PTPN23: variants seen among roughly 807,000 people sequenced by gnomAD.
The protein encoded by PTPN23 is tyrosine-protein phosphatase non-receptor type 23.
A neutral mutation model predicts 156.3 loss-of-function variants in PTPN23; 72 were observed. That is an observed-to-expected ratio of 0.46 (90% CI 0.38 to 0.56). PTPN23 has a LOEUF of 0.56. PTPN23 is among the 20% of genes least tolerant of loss of function. The pLI is 0.00. For synonymous variants in PTPN23, 957 were observed against 899.6 expected (o/e 1.06, Z -1.14); for missense variants, 1,974 against 2,171.5 (o/e 0.91, Z 1.81).
intron 1 of PTPN23, among the ~76,000 whole-genome samples, chr3:47,389,128 C>T (rs2107695111): frequency 6.6e-6 from 1 of 152,200 alleles, no homozygotes; most frequent in South Asian, 2.1e-4. Flanking sequence ...TTAGCTCCCA[C>T]AAAAAAGTGA....
chr3:47,413,238 C>A lies in PTPN23; in HGVS notation c.*53C>A, dbSNP rs1382985285. On this transcript the variant is annotated 3_prime_UTR_variant, in exon 25 of 25. Transcript: ENST00000265562. ...CTACATCATCATCATCTCATGCCCACCTGCCCACACCCAGCAGAGCTTCTC... is the reference window on the plus strand; with the variant it reads ...CTACATCATCATCATCTCATGCCCAACTGCCCACACCCAGCAGAGCTTCTC... 2 of 1,554,414 alleles carry A rather than the reference C, an allele frequency of 1.3e-6. No homozygotes were observed. The highest frequency in any genetic ancestry group is 8.7e-7 in the Non-Finnish European group (1 of 1,146,518).
Position 47,409,565 on chromosome 3 carries a change from A to G in PTPN23, c.1946A>G (p.Gln649Arg). 1.2e-6 allele frequency: 2 copies of G among 1,613,292 alleles called. No homozygotes were observed. Among genetic ancestry groups the G allele is most frequent in the Non-Finnish European group, 1.7e-6 (2 of 1,179,450 alleles). ...CGGCGGGTACTCAGCGACTTGGACC[A>G]AAAGTCAGTGCCCAGTCCTCTGCTC... ...AVRRVLSDLDQKWNSTLQTLV... is the reference protein window; with the variant it reads ...AVRRVLSDLDRKWNSTLQTLV... The change falls in exon 18 of 25, where the codon CAA becomes CGA. Residue 649 changes from glutamine to arginine, a missense_variant. Gln to Arg is a conservative substitution (Grantham distance 43). This residue lies in a region of PTPN23 where 726 missense variants were observed against 929.5 expected (regional missense o/e 0.78). Coordinates refer to ENST00000265562, the MANE Select transcript of PTPN23 (RefSeq NM_015466.4).
At chr3:47,409,865 T>C in intron 19 of PTPN23, 31 bp downstream of exon 19, 2 of 1,600,298 alleles carry the variant, frequency 1.2e-6, no homozygotes, top group Non-Finnish European at 1.7e-6. Context: ...GTGGTGCGGC[T>C]CGGGTCCAGA....
rs147293860 is a variant in PTPN23, at chr3:47,409,268, A to C, written c.1748A>C (p.Lys583Thr). 6.2e-7 allele frequency: 1 copy of C among 1,614,158 alleles called. No individual in the cohort carries two copies. The highest frequency in any genetic ancestry group is 2.2e-5 in the East Asian group (1 of 44,882). Residue 583 changes from lysine (K) to threonine (T), a missense_variant, in exon 17 of 25, where the codon AAA becomes ACA. By Grantham distance (78) the Lys-to-Thr change is moderately conservative (BLOSUM62 -1). Coordinates refer to ENST00000265562, the MANE Select transcript of PTPN23 (RefSeq NM_015466.4). ...CAGCAGCTGCGTGAGCTTATCCAGA[A>C]AGATGACATCACTGCCTCGCTGGTC... ...LEQQLRELIQKDDITASLVTT... is the reference protein window; with the variant it reads ...LEQQLRELIQTDDITASLVTT...
At chr3:47,391,275 AAC>A (rs1364094373) in intron 1 of PTPN23, among the ~76,000 whole-genome samples, 2 of 152,194 alleles carry the variant, frequency 1.3e-5, no homozygotes, top group Non-Finnish European at 2.9e-5. Context: ...ATAAACTAAA[AAC>A]AATTTAAATA....
At position 47,407,274 on chromosome 3, in the gene PTPN23, G is replaced by A. The variant is rs755316518; in HGVS notation, c.865-35G>A. On this transcript the variant is annotated intron_variant, in intron 10 of 24. Coordinates refer to ENST00000265562, the MANE Select transcript of PTPN23 (RefSeq NM_015466.4). This position sits in a 1 kb window ranked among gnomAD's most constrained non-coding sequence, Gnocchi z 4.0. ...GGTGTCCTGGTGCCAGCCTTGGTTA[G>A]TGCTAAGGCCCCACCCCTGTCCCTA... The A allele has an allele frequency of 4.3e-6, 7 of 1,613,654 alleles. No homozygotes were observed. Among genetic ancestry groups the A allele is most frequent in the Non-Finnish European group, 5.9e-6 (7 of 1,179,812 alleles).
chr3:47,409,371 A>C, intron 17 of PTPN23, 46 bp from the exon 18 acceptor site: 1 of 1,613,488 alleles, frequency 6.2e-7, no homozygotes, highest in South Asian at 1.1e-5. Flanking sequence ...CACCCTTAGG[A>C]GTCGAGGCCC....
chr3:47,407,873 C>G lies in PTPN23; in HGVS notation c.1119-17C>G. 1 of 1,613,914 alleles carries G rather than the reference C, an allele frequency of 6.2e-7. No homozygotes were observed. ...TTGAGATGTGGGTCTTCAGCAAATG[C>G]TCTGTCGCTTCTGCAGTGAGGAGAA... On this transcript the variant is annotated splice_polypyrimidine_tract_variant and intron_variant, in intron 13 of 24. Coordinates refer to ENST00000265562, the MANE Select transcript of PTPN23 (RefSeq NM_015466.4). The surrounding 1 kb of genome is among the most constrained non-coding windows in gnomAD (Gnocchi z 4.0).
intron 2 of PTPN23, among the ~76,000 whole-genome samples, chr3:47,396,601 G>A (rs1353750519): frequency 6.6e-6 from 1 of 151,664 alleles, no homozygotes; most frequent in Non-Finnish European, 1.5e-5. Flanking sequence ...AAACCACCTG[G>A]CCCTTTCTAG....
Position 47,405,636 on chromosome 3 carries a change from G to C in PTPN23, c.365-113G>C. 1.8e-6 allele frequency: 2 copies of C among 1,125,518 alleles called. No individual in the cohort carries two copies. Among genetic ancestry groups the C allele is most frequent in the Non-Finnish European group, 2.6e-6 (2 of 780,882 alleles). 69.7% of individuals were successfully genotyped at this position (1,125,518 alleles called of 1,614,324 possible). On this transcript the variant is annotated intron_variant, in intron 4 of 24. Coordinates refer to ENST00000265562, the MANE Select transcript of PTPN23 (RefSeq NM_015466.4). This position sits in a 1 kb window ranked among gnomAD's most constrained non-coding sequence, Gnocchi z 4.7. ...TGGGTGTCCTTGGACTCGTTGCCCT[G>C]GTTCTCAGAGCCATGTTGTCCTGAT... is the stretch of plus-strand genomic sequence containing the variant.
intron 1 of PTPN23, among the ~76,000 whole-genome samples, chr3:47,392,623 G>C (rs548537666): frequency 1.7e-4 from 26 of 152,078 alleles, no homozygotes; most frequent in South Asian, 1.2e-3. Context: ...TAAAGTTCTT[G>C]GTAAATCCTT....
At position 47,396,176 on chromosome 3, in the gene PTPN23, G is replaced by A. The variant is rs1704875703; in HGVS notation, c.118G>A (p.Ala40Thr). ...GAAGAATTATGGAGAGAACCCAGAA[G>A]CCTACAATGAAGAACTGAAGAAGCT... is the stretch of plus-strand genomic sequence containing the variant. ...VLKNYGENPE[A>T]YNEELKKLEL... The change falls in exon 2 of 25, where the codon GCC (alanine) becomes ACC (threonine). Residue 40 changes from alanine (A) to threonine (T), a missense_variant. By Grantham distance (58) the Ala-to-Thr change is moderately conservative. Coordinates refer to ENST00000265562, the MANE Select transcript of PTPN23 (RefSeq NM_015466.4). 6.2e-7 allele frequency: 1 copy of A among 1,613,266 alleles called. No homozygotes were observed. Among genetic ancestry groups the A allele is most frequent in the Non-Finnish European group, 8.5e-7 (1 of 1,179,450 alleles).
At chr3:47,396,460 G>A (rs1277638337) in intron 2 of PTPN23, among the ~76,000 whole-genome samples, 1 of 152,052 alleles carries the variant, frequency 6.6e-6, no homozygotes, top group Non-Finnish European at 1.5e-5. Context: ...CTGTAGTTCC[G>A]GCTACTCAGG....
intron 15 of PTPN23, 33 bp from the exon 16 acceptor site, chr3:47,408,743 C>A: frequency 6.4e-7 from 1 of 1,555,206 alleles, no homozygotes; most frequent in Non-Finnish European, 8.7e-7. Flanking sequence ...GTCAGCCTGC[C>A]TCAGGGGCTG....
chr3:47,410,448 G>C lies in PTPN23; in HGVS notation c.2650G>C (p.Val884Leu). The change falls in exon 20 of 25, where the codon GTA becomes CTA. Residue 884 changes from valine to leucine, a missense_variant. By Grantham distance (32) the Val-to-Leu change is conservative. Coordinates refer to ENST00000265562, the MANE Select transcript of PTPN23 (RefSeq NM_015466.4). ...GGCGGTTCGGCCAGCCACCACCACA[G>C]TAGATAGCATCCAGGCGCCCATCCC... Reference protein sequence around the residue: ...AMAVRPATTTVDSIQAPIPSH... With the variant: ...AMAVRPATTTLDSIQAPIPSH... 1 of 1,611,562 alleles carries C rather than the reference G, an allele frequency of 6.2e-7. No individual in the cohort carries two copies. Among genetic ancestry groups the C allele is most frequent in the Non-Finnish European group, 8.5e-7 (1 of 1,179,342 alleles).
rs531666812 is a variant in PTPN23, at chr3:47,406,201, G to T, written c.547-124G>T. 2.1e-6 allele frequency: 3 copies of T among 1,445,274 alleles called. No individual in the cohort carries two copies. The highest frequency in any genetic ancestry group is 1.4e-5 in the African/African-American group (1 of 71,132). 89.5% of individuals were successfully genotyped at this position (1,445,274 alleles called of 1,614,324 possible). ...GGAGCACCGTGGTGCTGCTTGGAGT[G>T]GGGGCAGCTGGGGGAGAGGGCAGTG... On this transcript the variant is annotated intron_variant, in intron 6 of 24. Transcript: ENST00000265562. The surrounding 1 kb of genome is among the most constrained non-coding windows in gnomAD (Gnocchi z 5.8).
chr3:47,404,689 G>A lies in PTPN23; in HGVS notation c.197G>A (p.Ser66Asn), dbSNP rs999684296. 1 of 1,614,020 alleles carries A rather than the reference G, an allele frequency of 6.2e-7. No individual in the cohort carries two copies. The highest frequency in any genetic ancestry group is 8.5e-7 in the Non-Finnish European group (1 of 1,180,020). Residue 66 changes from serine (S) to asparagine (N), a missense_variant, in exon 3 of 25, where the codon AGT becomes AAT. Physicochemically the swap from Ser to Asn is conservative, Grantham distance 46. This residue lies in a region of PTPN23 where 726 missense variants were observed against 929.5 expected (regional missense o/e 0.78). Coordinates refer to ENST00000265562, the MANE Select transcript of PTPN23 (RefSeq NM_015466.4). ...VRVPRDFEGC[S>N]VLRKYLGQLH... is the part of the protein sequence containing the mutation. ...GTCCCACGAGACTTTGAGGGCTGTA[G>A]TGTCCTCCGCAAGTACCTCGGCCAG...
At position 47,396,877 on chromosome 3, in the gene PTPN23, C is replaced by T. The variant is rs577265643; in HGVS notation, c.159+660C>T. 2.3e-3 allele frequency among the ~76,000 whole-genome samples: 356 copies of T among 152,284 alleles called. 1 individual carries two copies. Among genetic ancestry groups the T allele is most frequent in the Middle Eastern group, 6.8e-3 (2 of 294 alleles). On this transcript the variant is annotated intron_variant, in intron 2 of 24. Transcript: ENST00000265562. ...GGAGGTTGGGACTGCAGTGAGCCAA[C>T]CATGTTCATACCACTGTACTCCAGC...
At chr3:47,408,644 G>A in intron 15 of PTPN23, 132 bp from the exon 16 acceptor site, 1 of 1,418,616 alleles carries the variant, frequency 7.0e-7, no homozygotes, top group Non-Finnish European at 9.6e-7. Context: ...CATACCTCTT[G>A]CACCCTGCTC....
Sources: allele counts gnomAD v4.1 joint callset (sites outside exome capture counted in the v4.1 genomes callset), GRCh38; gene constraint gnomAD v4.1.1; regional missense constraint gnomAD v4.1.1; non-coding constraint Gnocchi (gnomAD v3.1); transcripts MANE v1.5; gene names NCBI Gene and HGNC (gene_info 2026-07-23, HGNC 2026-07-21).